The following GALM variants were observed in gnomAD, a reference collection of about 807,000 sequenced individuals.
GALM encodes the protein galactose mutarotase.
Under a neutral mutation model 37.4 loss-of-function variants are expected in GALM, and 43 were observed. The observed-to-expected ratio is 1.15, with a 90% confidence interval of 0.90 to 1.48. The LOEUF (loss-of-function observed/expected upper bound fraction) is 1.48. Among genes scored for constraint, GALM ranks in the 40% most tolerant of loss-of-function variants. The pLI is 0.00. For synonymous variants in GALM, 199 were observed against 170.6 expected (o/e 1.17, Z -1.30); for missense variants, 456 against 419.1 (o/e 1.09, Z -0.77).
At chr2:38,670,008 G>A (rs1665051680) in intron 1 of GALM, among the ~76,000 whole-genome samples, 1 of 151,546 alleles carries the variant, frequency 6.6e-6, no homozygotes, top group Non-Finnish European at 1.5e-5. Flanking sequence ...AATTACAGGT[G>A]GGCACCACCA....
chr2:38,724,820 C>T (rs1200595052), intron 4 of GALM, among the ~76,000 whole-genome samples: 1 of 152,156 alleles, frequency 6.6e-6, no homozygotes, highest in African/African-American at 2.4e-5. Flanking sequence ...TCAAGCATAC[C>T]ATTTATCAAA....
intron 4 of GALM, among the ~76,000 whole-genome samples, chr2:38,704,042 T>TAAATAAATA (rs1665985610): frequency 6.7e-6 from 1 of 149,872 alleles, no homozygotes. Flanking sequence ...AATAAATAAA[T>TAAATAAATA]AAATAAAATA....
At chr2:38,711,807 C>T (rs376907353) in intron 4 of GALM, among the ~76,000 whole-genome samples, 10 of 110,890 alleles carry the variant, frequency 9.0e-5, no homozygotes, top group East Asian at 3.2e-4. Flanking sequence ...TCACCATCAC[C>T]ATCATCATCA....
chr2:38,719,792 G>GAT (rs1207579576), intron 4 of GALM, among the ~76,000 whole-genome samples: 15 of 105,372 alleles, frequency 1.4e-4, no homozygotes, highest in African/African-American at 4.7e-4. Flanking sequence ...AAAAAAAAAA[G>GAT]ATTAGGATCT....
chr2:38,692,723 G>T (rs1481256096), intron 4 of GALM, among the ~76,000 whole-genome samples: 1 of 152,220 alleles, frequency 6.6e-6, no homozygotes, highest in Non-Finnish European at 1.5e-5. Context: ...TATCAGGATA[G>T]ACATAACTAG....
At chr2:38,711,951 G>A (rs1465087400) in intron 4 of GALM, among the ~76,000 whole-genome samples, 9 of 151,822 alleles carry the variant, frequency 5.9e-5, no homozygotes, top group Admixed American at 3.3e-4. Context: ...TGTAGGGGCT[G>A]TTGTTATCCC....
Position 38,733,945 on chromosome 2 carries a change from C to T in GALM, c.*380C>T. On this transcript the variant is annotated 3_prime_UTR_variant, in exon 7 of 7. Coordinates refer to ENST00000272252, the MANE Select transcript of GALM (RefSeq NM_138801.3). ...TCTCACATTGCTTTTATTTCCTCCTCCTTCACCTCCAACCACTGTCAGCAG... is the reference window on the plus strand; with the variant it reads ...TCTCACATTGCTTTTATTTCCTCCTTCTTCACCTCCAACCACTGTCAGCAG... The T allele has an allele frequency of 3.3e-6, 1 of 304,990 alleles. No individual in the cohort carries two copies. The highest frequency in any genetic ancestry group is 3.3e-5 in the South Asian group (1 of 30,500). 18.9% of individuals were successfully genotyped at this position (304,990 alleles called of 1,614,324 possible).
chr2:38,716,782 T>C (rs1666277045), intron 4 of GALM, among the ~76,000 whole-genome samples: 1 of 152,116 alleles, frequency 6.6e-6, no homozygotes, highest in African/African-American at 2.4e-5. Context: ...AGTTTGAGGC[T>C]GCAGTGAGCT....
intron 4 of GALM, among the ~76,000 whole-genome samples, chr2:38,694,039 A>G (rs1018866053): frequency 2.0e-5 from 3 of 152,058 alleles, no homozygotes; most frequent in Non-Finnish European, 4.4e-5. Flanking sequence ...TGAATTAGCC[A>G]GGAGTGTTGG....
At chr2:38,703,092 A>ATTTTT (rs1172635009) in intron 4 of GALM, among the ~76,000 whole-genome samples, 1 of 7,968 alleles carries the variant, frequency 1.3e-4, no homozygotes, top group African/African-American at 5.8e-4. Flanking sequence ...ATATATATAT[A>ATTTTT]TTTTTTTTTT....
At chr2:38,729,468 G>A (rs1469011280) in intron 4 of GALM, 88 bp from the exon 5 acceptor site, 1 of 1,189,374 alleles carries the variant, frequency 8.4e-7, no homozygotes, top group African/African-American at 1.5e-5. Context: ...AAGGCGGAGA[G>A]AGTAGAACCA....
At chr2:38,707,719 G>A (rs148237823) in intron 4 of GALM, among the ~76,000 whole-genome samples, 14 of 152,240 alleles carry the variant, frequency 9.2e-5, no homozygotes, top group East Asian at 7.7e-4. Flanking sequence ...AGTGCCTCAC[G>A]CCTATAATCC....
intron 4 of GALM, among the ~76,000 whole-genome samples, chr2:38,714,249 C>G (rs1217329266): frequency 2.0e-5 from 3 of 151,936 alleles, no homozygotes; most frequent in Non-Finnish European, 2.9e-5. Context: ...GAGTCTTGCT[C>G]TGTTGCCCAG....
In GALM at chr2:38,666,166, C is replaced by A; in HGVS notation, c.5C>A (p.Ala2Asp). The stretch of plus-strand genomic sequence containing the variant: ...TGCACACGCCAAACTTTCCCTATGG[C>A]TTCGGTGACCAGGGCCGTGTTTGGA... MASVTRAVFGEL... is the reference protein window; with the variant it reads MDSVTRAVFGEL... Residue 2 changes from alanine to aspartate, a missense_variant, in exon 1 of 7, where the codon GCT (alanine) becomes GAT (aspartate). Coordinates refer to ENST00000272252, the MANE Select transcript of GALM (RefSeq NM_138801.3). The A allele has an allele frequency of 6.2e-7, 1 of 1,610,756 alleles. No homozygotes were observed. The highest frequency in any genetic ancestry group is 8.5e-7 in the Non-Finnish European group (1 of 1,178,156).
intron 4 of GALM, among the ~76,000 whole-genome samples, chr2:38,696,902 G>A (rs548895695): frequency 2.2e-4 from 30 of 135,704 alleles, no homozygotes; most frequent in Non-Finnish European, 2.5e-4. Context: ...CAATCCTCCC[G>A]CCTCAGCCTC....
chr2:38,695,820 C>T (rs1321427441), intron 4 of GALM, among the ~76,000 whole-genome samples: 8 of 152,130 alleles, frequency 5.3e-5, no homozygotes, highest in African/African-American at 1.7e-4. Flanking sequence ...CCTCTGCCTC[C>T]TGAGTAGCTG....
chr2:38,666,323 C>G lies in GALM; in HGVS notation c.162C>G (p.Asp54Glu). 8 of 1,613,104 alleles carry G rather than the reference C, an allele frequency of 5.0e-6. No homozygotes were observed. The highest frequency in any genetic ancestry group is 6.8e-6 in the Non-Finnish European group (8 of 1,179,500). The stretch of plus-strand genomic sequence containing the variant: ...AAGACAGGCAGGGGAGAGCCTCGGA[C>G]GTGGTGCTTGGCTTCGCCGAGTTGG... ...EVKDRQGRAS[D>E]VVLGFAELEG... The change falls in exon 1 of 7, where the codon GAC becomes GAG. Residue 54 changes from aspartate to glutamate, a missense_variant. Coordinates refer to ENST00000272252, the MANE Select transcript of GALM (RefSeq NM_138801.3).
intron 4 of GALM, among the ~76,000 whole-genome samples, chr2:38,697,005 G>C (rs1166433436): frequency 6.6e-6 from 1 of 151,826 alleles, no homozygotes; most frequent in Admixed American, 6.6e-5. Flanking sequence ...GGCCAGGATG[G>C]TCTCGAACTC....
At position 38,734,724 on chromosome 2, in the gene GALM, A is replaced by G. The variant is rs1666674597; in HGVS notation, c.*1159A>G. ...AAAAAAAAGTATGTTATACTAGTGT[A>G]TGCTGTACTGAATTGAAATAAAACC... On this transcript the variant is annotated 3_prime_UTR_variant, in exon 7 of 7. Coordinates refer to ENST00000272252, the MANE Select transcript of GALM (RefSeq NM_138801.3). 6.6e-6 allele frequency: 1 copy of G among 150,564 alleles called. No homozygotes were observed. The highest frequency in any genetic ancestry group is 1.5e-5 in the Non-Finnish European group (1 of 67,888). The allele number at this position is 150,564 out of a possible 1,614,324, so 9.3% of individuals were successfully genotyped here. A position where few individuals can be genotyped will look rare whatever the true frequency, so the allele number is the denominator to read the frequency against.
Sources: allele counts gnomAD v4.1 joint callset (sites outside exome capture counted in the v4.1 genomes callset), GRCh38; gene constraint gnomAD v4.1.1; transcripts MANE v1.5; gene names NCBI Gene and HGNC (gene_info 2026-07-23, HGNC 2026-07-21).